BAZ2B: variants seen among roughly 807,000 people sequenced by gnomAD.
BAZ2B encodes the protein bromodomain adjacent to zinc finger domain 2B, also known as bromodomain adjacent to zinc finger domain protein 2B.
A neutral mutation model predicts 246.0 loss-of-function variants in BAZ2B; 91 were observed. That is an observed-to-expected ratio of 0.37 (90% CI 0.31 to 0.44). The LOEUF is 0.44. BAZ2B is among the 20% of genes least tolerant of loss of function. The probability of loss-of-function intolerance (pLI) is 1.00; values close to 1 mark genes in which losing one functional copy is unlikely to be tolerated. For missense variants in BAZ2B, 2,332 were observed against 2,533.7 expected (o/e 0.92, Z 1.71); for synonymous variants, 855 against 860.0 (o/e 0.99, Z 0.10).
intron 8 of BAZ2B, chr2:159,435,088 T>C (rs1420080523): frequency 6.6e-6 from 1 of 151,994 alleles, no homozygotes; most frequent in Non-Finnish European, 1.5e-5. Context: ...TCAGTAGTGT[T>C]GTCAGCATCA....
Position 159,439,150 on chromosome 2 carries a change from T to C in BAZ2B, c.759A>G (p.Ser253=). The C allele has an allele frequency of 6.2e-7, 1 of 1,614,040 alleles. No homozygotes were observed. The highest frequency in any genetic ancestry group is 2.2e-5 in the East Asian group (1 of 44,834). ...SNSDSDSGTS[S]DTSSEGISSS... ...TACTAATGCCTTCACTTGAGGTGTC[T>C]GATGATGTGCCTGAATCACTATCAC... Residue 253 remains serine (S), a synonymous_variant, in exon 7 of 37, where the codon TCA becomes TCG. Transcript: ENST00000392783.
chr2:159,529,297 T>G (rs922356770), intron 2 of BAZ2B, among the ~76,000 whole-genome samples: 4 of 151,928 alleles, frequency 2.6e-5, no homozygotes, highest in Admixed American at 1.3e-4. Flanking sequence ...TTGGTTAAGC[T>G]TCAATCTTCT....
At chr2:159,663,190 GT>G in the BAZ2B span, among the ~76,000 whole-genome samples, 186 of 141,926 alleles carry the variant, frequency 1.3e-3, no homozygotes, top group South Asian at 0.014. Flanking sequence ...TTTTGTTGTT[GT>G]TTTTTTTTTC....
intron 2 of BAZ2B, among the ~76,000 whole-genome samples, chr2:159,545,751 C>T (rs908616006): frequency 2.0e-5 from 3 of 152,028 alleles, no homozygotes; most frequent in African/African-American, 7.2e-5. Flanking sequence ...ATAGGTAAAA[C>T]AACTGAACAC....
intron 3 of BAZ2B, among the ~76,000 whole-genome samples, chr2:159,468,052 C>T (rs2077301678): frequency 6.6e-6 from 1 of 152,104 alleles, no homozygotes; most frequent in South Asian, 2.1e-4. Flanking sequence ...TTAAACTATC[C>T]AAACGCCTAG....
intron 27 of BAZ2B, among the ~76,000 whole-genome samples, chr2:159,371,974 A>G (rs2060896766): frequency 6.6e-6 from 1 of 152,222 alleles, no homozygotes; most frequent in African/African-American, 2.4e-5. Flanking sequence ...TCTCCCAAGT[A>G]GATCAATCAG....
the BAZ2B span, among the ~76,000 whole-genome samples, chr2:159,709,527 C>T: frequency 6.6e-6 from 1 of 152,190 alleles, no homozygotes; most frequent in Non-Finnish European, 1.5e-5. Context: ...TTGATCATTA[C>T]ACATTCTATG....
chr2:159,675,913 T>C, the BAZ2B span, among the ~76,000 whole-genome samples: 4 of 152,150 alleles, frequency 2.6e-5, no homozygotes, highest in African/African-American at 9.7e-5. Context: ...TTTTTCTTTT[T>C]TTGAGACGGA....
intron 27 of BAZ2B, among the ~76,000 whole-genome samples, chr2:159,369,663 A>G (rs2060605725): frequency 6.6e-6 from 1 of 152,172 alleles, no homozygotes; most frequent in Admixed American, 6.6e-5. Flanking sequence ...AACATATTGA[A>G]TATTTAACTG....
At chr2:159,408,659 C>T (rs372355756) in intron 14 of BAZ2B, among the ~76,000 whole-genome samples, 1 of 152,312 alleles carries the variant, frequency 6.6e-6, no homozygotes, top group South Asian at 2.1e-4. Context: ...CAGCTCACGT[C>T]TGTAATCCCA....
At chr2:159,348,551 G>C (rs1230715072) in intron 30 of BAZ2B, 127 bp downstream of exon 30, 3 of 1,112,006 alleles carry the variant, frequency 2.7e-6, no homozygotes, top group African/African-American at 3.2e-5. Flanking sequence ...ATCTGCGATT[G>C]GTTGAATCCA....
chr2:159,591,095 T>G (rs1286468268), intron 1 of BAZ2B, among the ~76,000 whole-genome samples: 1 of 152,150 alleles, frequency 6.6e-6, no homozygotes, highest in African/African-American at 2.4e-5. Flanking sequence ...TGAAATAATA[T>G]CAAATCTCAT....
intron 25 of BAZ2B, among the ~76,000 whole-genome samples, chr2:159,380,370 G>A (rs971266701): frequency 3.9e-5 from 6 of 152,226 alleles, no homozygotes; most frequent in South Asian, 2.1e-4. Flanking sequence ...AAACTGTGTT[G>A]ACACTGGTTA....
intron 2 of BAZ2B, among the ~76,000 whole-genome samples, chr2:159,520,936 A>G (rs1316410759): frequency 6.6e-6 from 1 of 152,168 alleles, no homozygotes; most frequent in Non-Finnish European, 1.5e-5. Context: ...ATTACCATTC[A>G]AAGAATTCTT....
chr2:159,583,812 G>C (rs1254278901), intron 1 of BAZ2B, among the ~76,000 whole-genome samples: 1 of 152,130 alleles, frequency 6.6e-6, no homozygotes, highest in Non-Finnish European at 1.5e-5. Context: ...TTAGTGTTAA[G>C]GTAAAGAGTC....
the BAZ2B span, among the ~76,000 whole-genome samples, chr2:159,675,697 A>G: frequency 6.6e-6 from 1 of 152,144 alleles, no homozygotes; most frequent in Non-Finnish European, 1.5e-5. Flanking sequence ...CTCTTTAAAG[A>G]ATATAACGAA....
At position 159,472,125 on chromosome 2, in the gene BAZ2B, T is replaced by C. The variant is rs190872869; in HGVS notation, c.145+6450A>G. On this transcript the variant is annotated intron_variant, in intron 3 of 36. Coordinates refer to ENST00000392783, the MANE Select transcript of BAZ2B (RefSeq NM_013450.4). ...TTTTTCCATTTGTTTGTGTCCTCTC[T>C]TATTTCCTCGAGCAGTGGTTATAGT... Among the ~76,000 whole-genome samples, 476 of 152,346 alleles carry C rather than the reference T, an allele frequency of 3.1e-3. 2 individuals are homozygous for C. Among genetic ancestry groups the C allele is most frequent in the African/African-American group, 0.011 (454 of 41,578 alleles).
chr2:159,682,732 T>A, the BAZ2B span, among the ~76,000 whole-genome samples: 2 of 152,148 alleles, frequency 1.3e-5, no homozygotes, highest in Admixed American at 6.5e-5. Flanking sequence ...AGTTCCAGGG[T>A]TGACTAATTC....
the BAZ2B span, among the ~76,000 whole-genome samples, chr2:159,682,914 C>CCA: frequency 2.2e-5 from 3 of 136,572 alleles, no homozygotes; most frequent in South Asian, 7.8e-4. Context: ...ACCCCTCCCC[C>CCA]CCCCCACACA....
Sources: gnomAD v4.1 joint callset for allele counts (sites outside exome capture counted in the v4.1 genomes callset) on GRCh38, gnomAD v4.1.1 for gene constraint, MANE v1.5 for transcripts, NCBI Gene and HGNC (gene_info 2026-07-23, HGNC 2026-07-21) for gene names.